The following CACNA1H variants were observed in gnomAD, a reference collection of about 807,000 sequenced individuals.
The protein encoded by CACNA1H is voltage-dependent T-type calcium channel subunit alpha-1H.
Under a neutral mutation model 192.5 loss-of-function variants are expected in CACNA1H, and 149 were observed. That is an observed-to-expected ratio of 0.77 (90% CI 0.68 to 0.89). The LOEUF (loss-of-function observed/expected upper bound fraction) is 0.89. Among genes scored for constraint, CACNA1H ranks in the 40% least tolerant of loss-of-function variants. The probability of loss-of-function intolerance (pLI) is 0.00; values close to 1 mark genes in which losing one functional copy is unlikely to be tolerated. For synonymous variants in CACNA1H, 2,202 were observed against 1,475.2 expected, an observed-to-expected ratio of 1.49 and a Z score of -11.29; for missense variants, 4,257 against 3,423.5, an observed-to-expected ratio of 1.24 and a Z score of -6.08.
intron 2 of CACNA1H, among the ~76,000 whole-genome samples, chr16:1,177,267 C>T (rs1964981361): frequency 6.6e-6 from 1 of 152,216 alleles, no homozygotes; most frequent in Non-Finnish European, 1.5e-5. Flanking sequence ...GGGCCGATCC[C>T]CTCCAGGGCC....
chr16:1,168,881 G>T (rs1012812449), intron 2 of CACNA1H, among the ~76,000 whole-genome samples: 8 of 152,094 alleles, frequency 5.3e-5, no homozygotes, highest in Non-Finnish European at 1.2e-4. Flanking sequence ...TTTAGGGGCC[G>T]CAGGGGGTGC....
intron 6 of CACNA1H, 28 bp downstream of exon 6, chr16:1,198,802 C>G: frequency 1.3e-6 from 2 of 1,591,178 alleles, no homozygotes; most frequent in East Asian, 2.3e-5. Context: ...CCGTGAGGCC[C>G]CTGCCCAGAT....
chr16:1,210,252 C>T, intron 18 of CACNA1H, 117 bp downstream of exon 18: 2 of 1,248,234 alleles, frequency 1.6e-6, no homozygotes, highest in Non-Finnish European at 2.3e-6. Flanking sequence ...GGCACCCCTT[C>T]TCACACCGCA....
rs1244997491 is a variant in CACNA1H, at chr16:1,219,176, G to GC, written c.6048+46_6048+47insC. ...GCAGCAGAGGCTGGCGGGGATGGGG[G>GC]GCTTGCAGGGATGCCTCGTCTCATC... On this transcript the variant is annotated intron_variant, in intron 34 of 34. Coordinates refer to ENST00000348261, the MANE Select transcript of CACNA1H (RefSeq NM_021098.3). 3.4e-6 allele frequency: 5 copies of GC among 1,469,240 alleles called. No individual in the cohort carries two copies. The East Asian group carries it at 1.0e-4, about 29-fold the overall frequency. 91.0% of individuals were successfully genotyped at this position (1,469,240 alleles called of 1,614,324 possible).
chr16:1,171,513 A>G (rs1228106638), intron 2 of CACNA1H, among the ~76,000 whole-genome samples: 1 of 152,192 alleles, frequency 6.6e-6, no homozygotes, highest in Non-Finnish European at 1.5e-5. Flanking sequence ...ACAAAGGTCG[A>G]ATGGAGATGG....
Position 1,220,220 on chromosome 16 carries a change from A to G in CACNA1H, c.6288A>G (p.Pro2096=), listed in dbSNP as rs1257837755. 6.3e-7 allele frequency: 1 copy of G among 1,575,762 alleles called. No individual in the cohort carries two copies. The highest frequency in any genetic ancestry group is 2.3e-5 in the East Asian group (1 of 42,706). The change falls in exon 35 of 35, where the codon CCA becomes CCG. Residue 2096 remains proline (P), a synonymous_variant. Coordinates refer to ENST00000348261, the MANE Select transcript of CACNA1H (RefSeq NM_021098.3). ...PGGEEAEASD[P]ADEEVSHITS... is the part of the protein sequence containing the mutation. ...GAGAGGAGGCCGAGGCCTCGGACCC[A>G]GCCGACGAGGAGGTCAGCCACATCA...
chr16:1,215,156 G>T, intron 28 of CACNA1H, 75 bp downstream of exon 28: 1 of 1,581,952 alleles, frequency 6.3e-7, no homozygotes, highest in Non-Finnish European at 8.6e-7. Flanking sequence ...TGAGGCCGCA[G>T]GCTTTCCCAC....
chr16:1,191,333 G>A (rs1486798345), intron 2 of CACNA1H, among the ~76,000 whole-genome samples: 1 of 117,432 alleles, frequency 8.5e-6, no homozygotes, highest in Non-Finnish European at 1.7e-5. Flanking sequence ...TGTGGCCTCC[G>A]GCACACTCGG....
Position 1,167,233 on chromosome 16 carries a change from T to G in CACNA1H, c.299+13197T>G, listed in dbSNP as rs563731998. ...AAACGGGCTCTTTGCGGGGGGCCTG[T>G]GGGGTATGGGCCTCCTGTCAGCAGC... On this transcript the variant is annotated intron_variant, in intron 2 of 34. Transcript: ENST00000348261. The surrounding 1 kb of genome is among the most constrained non-coding windows in gnomAD (Gnocchi z 4.2). Among the ~76,000 whole-genome samples, 48 of 152,102 alleles carry G rather than the reference T, an allele frequency of 3.2e-4. No individual in the cohort carries two copies. Among genetic ancestry groups the G allele is most frequent in the Admixed American group, 2.3e-3 (35 of 15,280 alleles).
chr16:1,201,570 G>GC, intron 8 of CACNA1H, 93 bp from the exon 9 acceptor site: 1 of 1,418,306 alleles, frequency 7.1e-7, no homozygotes, highest in Non-Finnish European at 9.5e-7. Context: ...CTGTGACGCG[G>GC]CCCCCACTCG....
chr16:1,175,536 A>C (rs942074940), intron 2 of CACNA1H, among the ~76,000 whole-genome samples: 10 of 151,114 alleles, frequency 6.6e-5, no homozygotes, highest in African/African-American at 2.4e-4. Flanking sequence ...AGCACCACCC[A>C]CTCTAGGTCC....
chr16:1,153,568 G>A (rs1410250100), intron 1 of CACNA1H, 98 bp downstream of exon 1: 5 of 371,876 alleles, frequency 1.3e-5, no homozygotes, highest in Non-Finnish European at 2.2e-5. Flanking sequence ...CTGGAGGGAG[G>A]GAGGGGGCGG....
chr16:1,186,423 C>T (rs552197642), intron 2 of CACNA1H, among the ~76,000 whole-genome samples: 1 of 152,066 alleles, frequency 6.6e-6, no homozygotes, highest in Non-Finnish European at 1.5e-5. Context: ...ATTCGCCGTG[C>T]AGAAAGCCGG....
intron 2 of CACNA1H, among the ~76,000 whole-genome samples, chr16:1,164,993 CAG>C (rs1408717093): frequency 6.6e-6 from 1 of 152,116 alleles, no homozygotes; most frequent in Non-Finnish European, 1.5e-5. Context: ...GGGCTGACCT[CAG>C]GGTGATTTGT....
chr16:1,160,594 C>T (rs1225717369), intron 2 of CACNA1H, among the ~76,000 whole-genome samples: 1 of 152,164 alleles, frequency 6.6e-6, no homozygotes, highest in Non-Finnish European at 1.5e-5. Flanking sequence ...GGGGGTGTGC[C>T]GCCACGTGGC....
chr16:1,207,705 G>T (rs1968906174), intron 14 of CACNA1H, 65 bp from the exon 15 acceptor site: 2 of 1,406,900 alleles, frequency 1.4e-6, no homozygotes, highest in African/African-American at 1.4e-5. Context: ...CCAGACTTCT[G>T]TCCGGCATGA....
chr16:1,213,694 G>A, intron 26 of CACNA1H, 86 bp from the exon 27 acceptor site: 2 of 1,071,930 alleles, frequency 1.9e-6, no homozygotes, highest in South Asian at 1.8e-5. Context: ...CCTACACTTG[G>A]CCACCTAGGA....
In CACNA1H at chr16:1,220,681, G is replaced by A. The variant is rs554435610; in HGVS notation, c.6749G>A (p.Arg2250His). 1.2e-5 allele frequency: 19 copies of A among 1,609,942 alleles called. No individual in the cohort carries two copies. The highest frequency in any genetic ancestry group is 5.5e-5 in the South Asian group (5 of 90,832). ...GGGGACCCTGCAGCCAAGGGGGAGC[G>A]CTGGGGCCAGGCCTCCTGCCGGGCT... ...AGGDPAAKGERWGQASCRAEH... is the reference protein window; with the variant it reads ...AGGDPAAKGEHWGQASCRAEH... Residue 2250 changes from arginine to histidine, a missense_variant, in exon 35 of 35, where the codon CGC becomes CAC. Physicochemically the swap from Arg to His is conservative, Grantham distance 29. Transcript: ENST00000348261.
intron 12 of CACNA1H, 44 bp from the exon 13 acceptor site, chr16:1,206,957 C>T (rs1405240627): frequency 2.6e-6 from 2 of 783,582 alleles, no homozygotes; most frequent in Non-Finnish European, 3.9e-6. Flanking sequence ...CCGCTCAGCA[C>T]ACCCCTGCCT....
Sources: gnomAD v4.1 joint callset for allele counts (sites outside exome capture counted in the v4.1 genomes callset) on GRCh38, gnomAD v4.1.1 for gene constraint, Gnocchi (gnomAD v3.1) non-coding constraint, MANE v1.5 for transcripts, NCBI Gene and HGNC (gene_info 2026-07-23, HGNC 2026-07-21) for gene names.